DGKI: variants seen among roughly 807,000 people sequenced by gnomAD.
DGKI encodes diacylglycerol kinase iota.
DGKI carries 55 observed loss-of-function variants against 147.5 expected under a neutral mutation model. That is an observed-to-expected ratio of 0.37 (90% CI 0.30 to 0.47). The LOEUF (loss-of-function observed/expected upper bound fraction) is 0.47. DGKI is among the 20% of genes least tolerant of loss of function. The pLI is 1.00. For missense variants in DGKI, 1,007 were observed against 1,323.8 expected (o/e 0.76, Z 3.71); for synonymous variants, 469 against 477.1 (o/e 0.98, Z 0.22).
At chr7:137,431,872 G>T (rs1335569852) in intron 28 of DGKI, among the ~76,000 whole-genome samples, 1 of 152,178 alleles carries the variant, frequency 6.6e-6, no homozygotes. Flanking sequence ...CAATTACTCA[G>T]AATGATACAA....
chr7:137,422,865 A>G (rs1812635406), intron 28 of DGKI, among the ~76,000 whole-genome samples: 1 of 151,868 alleles, frequency 6.6e-6, no homozygotes, highest in African/African-American at 2.4e-5. Context: ...CAGCCTCCCA[A>G]AGTGCTGGGA....
At chr7:137,487,126 A>G (rs979942049) in intron 22 of DGKI, among the ~76,000 whole-genome samples, 14 of 151,352 alleles carry the variant, frequency 9.2e-5, no homozygotes, top group Non-Finnish European at 1.3e-4. Flanking sequence ...CTAGATTGAG[A>G]AAAAAAAATA....
At position 137,580,561 on chromosome 7, in the gene DGKI, G is replaced by A. The variant is rs558367299; in HGVS notation, c.1642+1289C>T. On this transcript the variant is annotated intron_variant, in intron 15 of 32. Coordinates refer to ENST00000614521, the MANE Select transcript of DGKI (RefSeq NM_001321708.2). ...TCTTCAAACAGCATCATTCCTGCTT[G>A]GCACAGAATTTGACCTTTACAGAGC... 4.6e-5 allele frequency among the ~76,000 whole-genome samples: 7 copies of A among 152,202 alleles called. No homozygotes were observed. The East Asian group carries it at 1.4e-3, about 29-fold the overall frequency.
At chr7:137,437,627 ATACGC>A (rs1452975366) in intron 28 of DGKI, among the ~76,000 whole-genome samples, 1 of 152,186 alleles carries the variant, frequency 6.6e-6, no homozygotes, top group African/African-American at 2.4e-5. Flanking sequence ...ACAAAATTTG[ATACGC>A]TAATTTTATA....
At chr7:137,571,143 T>C (rs1397854472) in intron 19 of DGKI, 32 bp downstream of exon 19, 1 of 1,484,200 alleles carries the variant, frequency 6.7e-7, no homozygotes, top group Non-Finnish European at 9.2e-7. Context: ...CTAAAATACA[T>C]TTCATTTTAA....
chr7:137,510,087 C>T (rs1439466122), intron 21 of DGKI, among the ~76,000 whole-genome samples: 4 of 152,160 alleles, frequency 2.6e-5, no homozygotes, highest in African/African-American at 2.4e-5. Flanking sequence ...ACGCATTGAC[C>T]GTGGTTATCC....
At chr7:137,391,642 T>C (rs984037450) in intron 32 of DGKI, among the ~76,000 whole-genome samples, 7 of 152,130 alleles carry the variant, frequency 4.6e-5, no homozygotes, top group African/African-American at 7.2e-5. Context: ...GTTAACAGTA[T>C]ACAGAAGGAA....
At chr7:137,457,213 A>G (rs1214428449) in intron 27 of DGKI, among the ~76,000 whole-genome samples, 1 of 152,216 alleles carries the variant, frequency 6.6e-6, no homozygotes, top group Non-Finnish European at 1.5e-5. Flanking sequence ...TATCTCAGTG[A>G]AACAGATGCC....
At position 137,416,171 on chromosome 7, in the gene DGKI, T is replaced by G. The variant is rs560042158; in HGVS notation, c.2762-3964A>C. 7.2e-5 allele frequency among the ~76,000 whole-genome samples: 11 copies of G among 152,008 alleles called. No homozygotes were observed. In the East Asian group the frequency reaches 1.6e-3, roughly 21 times the overall value. ...TAACTAACTGAAAGCATTTATGTAA[T>G]AAAATTAGGTACATGTAAGCAATAA... is the stretch of plus-strand genomic sequence containing the variant. On this transcript the variant is annotated intron_variant, in intron 28 of 32. Transcript: ENST00000614521.
intron 21 of DGKI, among the ~76,000 whole-genome samples, chr7:137,497,676 C>G (rs1158545020): frequency 6.6e-6 from 1 of 151,976 alleles, no homozygotes; most frequent in East Asian, 1.9e-4. Context: ...TTACCCTCAG[C>G]GAACTAATTC....
At chr7:137,573,011 T>A (rs1162894363) in intron 17 of DGKI, among the ~76,000 whole-genome samples, 173 bp from the exon 18 acceptor site, 1 of 152,220 alleles carries the variant, frequency 6.6e-6, no homozygotes, top group African/African-American at 2.4e-5. Context: ...ATAGCTTTAC[T>A]GGACCCAGGG....
intron 19 of DGKI, among the ~76,000 whole-genome samples, chr7:137,559,216 C>T (rs1160978118): frequency 1.3e-5 from 2 of 148,874 alleles, no homozygotes; most frequent in East Asian, 2.0e-4. Flanking sequence ...GGACTACAGG[C>T]GCCCGCCACT....
At chr7:137,482,266 C>A (rs1387055153) in intron 23 of DGKI, among the ~76,000 whole-genome samples, 2 of 151,850 alleles carry the variant, frequency 1.3e-5, no homozygotes, top group Non-Finnish European at 2.9e-5. Context: ...TTTCGTGATA[C>A]CACCTTCTCC....
chr7:137,610,056 TG>T (rs1179533857), intron 8 of DGKI, among the ~76,000 whole-genome samples: 1 of 152,010 alleles, frequency 6.6e-6, no homozygotes, highest in Non-Finnish European at 1.5e-5. Context: ...TTTTCTTTTT[TG>T]TTTTTTTTTT....
At chr7:137,453,908 G>A (rs1397302706) in intron 27 of DGKI, among the ~76,000 whole-genome samples, 1 of 150,040 alleles carries the variant, frequency 6.7e-6, no homozygotes, top group African/African-American at 2.5e-5. Context: ...CATGTGAGCT[G>A]GGCTTGAAAT....
At chr7:137,681,875 C>T (rs1321947970) in intron 2 of DGKI, among the ~76,000 whole-genome samples, 1 of 152,250 alleles carries the variant, frequency 6.6e-6, no homozygotes, top group Non-Finnish European at 1.5e-5. Context: ...CAGCTTGACC[C>T]CCAGAGGGGC....
chr7:137,627,285 G>A (rs772103247), intron 6 of DGKI, among the ~76,000 whole-genome samples: 7 of 152,130 alleles, frequency 4.6e-5, no homozygotes, highest in African/African-American at 7.2e-5. Context: ...ATAAATAGCT[G>A]CCCTATGTGG....
intron 1 of DGKI, among the ~76,000 whole-genome samples, chr7:137,713,260 T>A (rs982900365): frequency 6.6e-6 from 1 of 152,176 alleles, no homozygotes; most frequent in Non-Finnish European, 1.5e-5. Context: ...AATAGATACC[T>A]GGCTCCAGCT....
chr7:137,578,149 G>A, intron 16 of DGKI, 121 bp downstream of exon 16: 1 of 650,244 alleles, frequency 1.5e-6, no homozygotes, highest in East Asian at 2.8e-5. Context: ...AGTAACCATA[G>A]ATAGACATAT....
Sources: gnomAD v4.1 joint callset for allele counts (sites outside exome capture counted in the v4.1 genomes callset) on GRCh38, gnomAD v4.1.1 for gene constraint, MANE v1.5 for transcripts, NCBI Gene and HGNC (gene_info 2026-07-23, HGNC 2026-07-21) for gene names.